The following MAOB variants were observed in gnomAD, a reference collection of about 807,000 sequenced individuals.
The protein encoded by MAOB is monoamine oxidase B.
MAOB carries 15 observed loss-of-function variants against 41.9 expected under a neutral mutation model. The ratio of observed to expected loss-of-function variants is 0.36; its 90% CI spans 0.24 to 0.55. The LOEUF (loss-of-function observed/expected upper bound fraction) is 0.55, where lower values mean the gene tolerates loss of function less well. Ranked by LOEUF, MAOB falls within the 20% of genes least tolerant of loss-of-function variation. The pLI, the probability that MAOB is intolerant of heterozygous loss-of-function variation, is 0.86. For synonymous variants in MAOB, 167 were observed against 144.2 expected, an observed-to-expected ratio of 1.16 and a Z score of -1.13; for missense variants, 345 against 398.7, an observed-to-expected ratio of 0.87 and a Z score of 1.15.
At chrX:43,787,933 C>T (rs2034420313) in intron 8 of MAOB, among the ~76,000 whole-genome samples, 1 of 111,829 alleles carries the variant, frequency 8.9e-6, no homozygotes, top group Non-Finnish European at 1.9e-5. Context: ...ACCTGATTGA[C>T]AAAAAAATTT....
At position 43,853,481 on chromosome X, in the gene MAOB, G is replaced by T. The variant is rs923373707; in HGVS notation, c.47-9717C>A. Among the ~76,000 whole-genome samples, 6 of 110,786 alleles carry T rather than the reference G, an allele frequency of 5.4e-5. No homozygotes were observed. The Admixed American group carries it at 5.7e-4, about 11-fold the overall frequency. ...CTGAGGAGCTGGAAGATGGCCAGAT[G>T]AGTAAATTTGGGTAGCATGGTGTTG... On this transcript the variant is annotated intron_variant, in intron 1 of 14. Transcript: ENST00000378069.
At chrX:43,880,836 C>CG (rs1467042073) in intron 1 of MAOB, among the ~76,000 whole-genome samples, 1 of 112,028 alleles carries the variant, frequency 8.9e-6, no homozygotes, top group East Asian at 2.8e-4. Flanking sequence ...AAAATGACTT[C>CG]GGGGGCCTGA....
intron 2 of MAOB, among the ~76,000 whole-genome samples, chrX:43,840,699 C>T (rs758887976): frequency 9.1e-6 from 1 of 110,091 alleles, no homozygotes; most frequent in Non-Finnish European, 1.9e-5. Context: ...TAGGGAACTC[C>T]CTTCCCTAGC....
At chrX:43,803,813 G>A (rs2034628794) in intron 3 of MAOB, among the ~76,000 whole-genome samples, 2 of 111,235 alleles carry the variant, frequency 1.8e-5, no homozygotes, top group South Asian at 7.6e-4. Context: ...CAACTTAGAA[G>A]GGGATCAAAA....
At chrX:43,869,683 C>T (rs2035388111) in intron 1 of MAOB, among the ~76,000 whole-genome samples, 1 of 112,356 alleles carries the variant, frequency 8.9e-6, no homozygotes, top group South Asian at 3.7e-4. Context: ...AATCATTTTT[C>T]TGACTCTTAC....
intron 2 of MAOB, among the ~76,000 whole-genome samples, chrX:43,842,053 A>G (rs1390934962): frequency 8.9e-6 from 1 of 112,197 alleles, no homozygotes; most frequent in South Asian, 3.7e-4. Context: ...CAGGAAAAAA[A>G]GCAAAAACAG....
chrX:43,870,038 CT>C (rs1227240877), intron 1 of MAOB, among the ~76,000 whole-genome samples: 2 of 112,220 alleles, frequency 1.8e-5, no homozygotes, highest in African/African-American at 6.5e-5. Flanking sequence ...TTTCAACACC[CT>C]GTGAGAAATC....
chrX:43,800,806 A>T (rs1012588684), intron 5 of MAOB, among the ~76,000 whole-genome samples: 1 of 112,105 alleles, frequency 8.9e-6, no homozygotes, highest in African/African-American at 3.2e-5. Flanking sequence ...AACGTTAAAA[A>T]TACTTCAATG....
At chrX:43,855,891 T>A (rs1391975604) in intron 1 of MAOB, among the ~76,000 whole-genome samples, 1 of 111,412 alleles carries the variant, frequency 9.0e-6, no homozygotes, top group Non-Finnish European at 1.9e-5. Context: ...GAGCTAATTC[T>A]CCCTGCTTTA....
chrX:43,853,808 C>T (rs1346353746), intron 1 of MAOB, among the ~76,000 whole-genome samples: 1 of 111,407 alleles, frequency 9.0e-6, no homozygotes, highest in Non-Finnish European at 1.9e-5. Context: ...AGAGGCATGG[C>T]ACAGATTCTC....
In MAOB at chrX:43,849,876, C is replaced by T. The variant is rs1477923724; in HGVS notation, c.47-6112G>A. Among the ~76,000 whole-genome samples, 8 of 112,192 alleles carry T rather than the reference C, an allele frequency of 7.1e-5. No homozygotes were observed. In the South Asian group the frequency reaches 3.0e-3, roughly 41 times the overall value. ...AGTATTTTAAATACAGTATAAGAAACTAAAATACTTAAGACATACTGAAAC... is the reference window on the plus strand; with the variant it reads ...AGTATTTTAAATACAGTATAAGAAATTAAAATACTTAAGACATACTGAAAC... On this transcript the variant is annotated intron_variant, in intron 1 of 14. Coordinates refer to ENST00000378069, the MANE Select transcript of MAOB (RefSeq NM_000898.5).
At chrX:43,802,048 C>T in intron 5 of MAOB, 124 bp downstream of exon 5, 4 of 546,624 alleles carry the variant, frequency 7.3e-6, no homozygotes, top group Non-Finnish European at 1.3e-5. Context: ...TTTCAGCATG[C>T]CACTGGCTGG....
chrX:43,768,623 A>G (rs2034141401), intron 14 of MAOB, 31 bp downstream of exon 14: 1 of 1,139,022 alleles, frequency 8.8e-7, no homozygotes, highest in Admixed American at 2.2e-5. Context: ...GAGAAAAGAT[A>G]TCTAATTTCA....
chrX:43,799,463 C>G (rs978428690), intron 5 of MAOB, among the ~76,000 whole-genome samples: 4 of 110,886 alleles, frequency 3.6e-5, no homozygotes, highest in Admixed American at 9.6e-5. Flanking sequence ...AGCTGGAGAG[C>G]CAATATTTAA....
At chrX:43,845,506 G>A (rs2035190746) in intron 1 of MAOB, among the ~76,000 whole-genome samples, 1 of 111,740 alleles carries the variant, frequency 8.9e-6, no homozygotes, top group African/African-American at 3.2e-5. Context: ...CCCATTTTAT[G>A]GCCGAGAAAA....
At chrX:43,873,974 C>T (rs1221490985) in intron 1 of MAOB, among the ~76,000 whole-genome samples, 2 of 111,745 alleles carry the variant, frequency 1.8e-5, no homozygotes, top group African/African-American at 6.5e-5. Flanking sequence ...TGCACCCGGC[C>T]GACAGTTTTT....
At chrX:43,851,919 C>T (rs2035254800) in intron 1 of MAOB, among the ~76,000 whole-genome samples, 1 of 111,666 alleles carries the variant, frequency 9.0e-6, no homozygotes. Context: ...CTTCTAGGAG[C>T]CTAGTGAGTC....
rs147257166 is a variant in MAOB, at chrX:43,877,874, C to T, written c.46+4380G>A. Among the ~76,000 whole-genome samples the T allele has an allele frequency of 4.4e-4, 49 of 112,566 alleles. 1 individual carries two copies. The East Asian group carries it at 0.012, about 28-fold the overall frequency. On this transcript the variant is annotated intron_variant, in intron 1 of 14. Coordinates refer to ENST00000378069, the MANE Select transcript of MAOB (RefSeq NM_000898.5). Reference sequence around the variant, plus strand: ...TCCTGATGCCCACATGTATACATGGCGTCCTGTTGCCACCTTATCTATGCT... The same window carrying T: ...TCCTGATGCCCACATGTATACATGGTGTCCTGTTGCCACCTTATCTATGCT...
At chrX:43,795,459 G>C (rs1004133739) in intron 7 of MAOB, among the ~76,000 whole-genome samples, 3 of 111,019 alleles carry the variant, frequency 2.7e-5, no homozygotes, top group Non-Finnish European at 5.7e-5. Context: ...CCTTATGTAG[G>C]CACAATTGAT....
Sources: gnomAD v4.1 joint callset for allele counts (sites outside exome capture counted in the v4.1 genomes callset) on GRCh38, gnomAD v4.1.1 for gene constraint, MANE v1.5 for transcripts, NCBI Gene and HGNC (gene_info 2026-07-23, HGNC 2026-07-21) for gene names.